Variants in DNAH9 observed in about 807,000 individuals in gnomAD.
DNAH9 encodes dynein axonemal heavy chain 9.
DNAH9 carries 345 observed loss-of-function variants against 471.6 expected under a neutral mutation model. That is an observed-to-expected ratio of 0.73 (90% CI 0.67 to 0.80). DNAH9 has a LOEUF of 0.80. Among genes scored for constraint, DNAH9 ranks in the 30% least tolerant of loss-of-function variants. DNAH9 has a pLI of 0.00. For synonymous variants in DNAH9, 2,093 were observed against 2,123.6 expected, an observed-to-expected ratio of 0.99 and a Z score of 0.40; for missense variants, 5,407 against 5,609.2, an observed-to-expected ratio of 0.96 and a Z score of 1.15.
At chr17:11,815,155 G>T (rs1027892661) in intron 45 of DNAH9, among the ~76,000 whole-genome samples, 1 of 151,578 alleles carries the variant, frequency 6.6e-6, no homozygotes, top group African/African-American at 2.4e-5. Flanking sequence ...GCAAAAAGAA[G>T]CATGAGCAAT....
Position 11,738,934 on chromosome 17 carries a change from G to C in DNAH9, c.5869G>C (p.Gly1957Arg). The C allele has an allele frequency of 6.2e-7, 1 of 1,614,078 alleles. No homozygotes were observed. Among genetic ancestry groups the C allele is most frequent in the Non-Finnish European group, 8.5e-7 (1 of 1,179,940 alleles). The change falls in exon 29 of 69, where the codon GGG (glycine) becomes CGG (arginine). Residue 1957 changes from glycine to arginine, a missense_variant. Coordinates refer to ENST00000262442, the MANE Select transcript of DNAH9 (RefSeq NM_001372.4). ...TAAGAAGCAGTGGTTCAGCTTCCTT[G>C]GGGAGGAGATCAGCCTGAATCCTTC... ...RDKKQWFSFL[G>R]EEISLNPSVG...
chr17:11,662,769 T>TTTG, intron 14 of DNAH9, among the ~76,000 whole-genome samples: 1 of 139,170 alleles, frequency 7.2e-6, no homozygotes, highest in Non-Finnish European at 1.5e-5. Flanking sequence ...TTTTTTTTTT[T>TTTG]TTTTGAGACG....
At chr17:11,833,043 G>T (rs1237115328) in intron 48 of DNAH9, among the ~76,000 whole-genome samples, 1 of 152,182 alleles carries the variant, frequency 6.6e-6, no homozygotes, top group Non-Finnish European at 1.5e-5. Context: ...TTGAGAGTTT[G>T]CATTTCTAAC....
intron 63 of DNAH9, 97 bp from the exon 64 acceptor site, chr17:11,931,917 A>T: frequency 7.2e-7 from 1 of 1,390,530 alleles, no homozygotes; most frequent in Non-Finnish European, 1.0e-6. Flanking sequence ...ATATATGGTA[A>T]TGTTTTCCAA....
intron 40 of DNAH9, 27 bp from the exon 41 acceptor site, chr17:11,784,273 G>A: frequency 1.2e-6 from 2 of 1,610,762 alleles, no homozygotes; most frequent in Non-Finnish European, 1.7e-6. Context: ...AACGGATGTT[G>A]AGCTCATGCC....
At chr17:11,818,546 C>T (rs1436248036) in intron 45 of DNAH9, among the ~76,000 whole-genome samples, 1 of 151,872 alleles carries the variant, frequency 6.6e-6, no homozygotes, top group Non-Finnish European at 1.5e-5. Context: ...AAGGTAAAAG[C>T]ATGTGTGAAC....
chr17:11,921,334 A>G lies in DNAH9; in HGVS notation c.11750-2480A>G, dbSNP rs570267636. On this transcript the variant is annotated intron_variant, in intron 61 of 68. Transcript: ENST00000262442. ...AAAAAATGTTCCCCTTCCAACGCCAATGCCATAGGGGTATGGAACTAGGGA... is the reference window on the plus strand; with the variant it reads ...AAAAAATGTTCCCCTTCCAACGCCAGTGCCATAGGGGTATGGAACTAGGGA... Among the ~76,000 whole-genome samples the G allele has an allele frequency of 1.2e-4, 19 of 152,164 alleles. No individual in the cohort carries two copies. In the East Asian group the frequency reaches 3.5e-3, roughly 28 times the overall value.
chr17:11,781,942 A>G (rs775851287), intron 39 of DNAH9, among the ~76,000 whole-genome samples: 2 of 151,792 alleles, frequency 1.3e-5, no homozygotes, highest in Non-Finnish European at 2.9e-5. Flanking sequence ...GCTGGATAGT[A>G]TCTCTTGCGA....
chr17:11,843,863 G>GTGTGTGTTTATATATATA (rs1253794533), intron 49 of DNAH9, among the ~76,000 whole-genome samples: 1 of 46,466 alleles, frequency 2.2e-5, no homozygotes, highest in African/African-American at 8.1e-5. Flanking sequence ...GTGTGTGTGT[G>GTGTGTGTTTATATATATA]TATATATATA....
intron 24 of DNAH9, among the ~76,000 whole-genome samples, chr17:11,703,375 G>A (rs916354276): frequency 2.6e-5 from 4 of 152,138 alleles, no homozygotes; most frequent in African/African-American, 9.7e-5. Flanking sequence ...ATTTCACAAA[G>A]GGAGTAAATC....
chr17:11,752,745 T>G, intron 32 of DNAH9, 88 bp from the exon 33 acceptor site: 2 of 1,060,832 alleles, frequency 1.9e-6, no homozygotes, highest in Non-Finnish European at 2.7e-6. Context: ...CCCCCTTCTG[T>G]GTGTTGTAGC....
intron 67 of DNAH9, 23 bp downstream of exon 67, chr17:11,942,508 T>C (rs774029652): frequency 2.3e-5 from 37 of 1,604,482 alleles, no homozygotes; most frequent in East Asian, 2.0e-4. Flanking sequence ...TTGTAAGGCA[T>C]GGAGGGGACA....
chr17:11,888,071 C>T (rs1364152797), intron 57 of DNAH9, among the ~76,000 whole-genome samples: 1 of 151,854 alleles, frequency 6.6e-6, no homozygotes. Flanking sequence ...CAAGCTCTGC[C>T]TCCCGGGTTG....
Position 11,891,638 on chromosome 17 carries a change from C to T in DNAH9, c.11113-139C>T, listed in dbSNP as rs55944899. 679,464 of 969,958 alleles carry T rather than the reference C, an allele frequency of 0.7. 241,143 individuals carry two copies. The highest frequency in any genetic ancestry group is 0.74 in the Admixed American group (29,472 of 39,736). 60.1% of individuals were successfully genotyped at this position (969,958 alleles called of 1,614,324 possible). A position where few individuals can be genotyped will look rare whatever the true frequency, so the allele number is the denominator to read the frequency against. ...CCTTGGCCTCCCAAAGCACTGTGAT[C>T]ACAGGCATGAGCCACCGTGCCTGGC... On this transcript the variant is annotated intron_variant, in intron 57 of 68. Coordinates refer to ENST00000262442, the MANE Select transcript of DNAH9 (RefSeq NM_001372.4).
intron 49 of DNAH9, among the ~76,000 whole-genome samples, chr17:11,838,333 T>A (rs188013153): frequency 2.2e-4 from 34 of 152,312 alleles, no homozygotes; most frequent in African/African-American, 7.7e-4. Flanking sequence ...TGTGTTTTGT[T>A]CCCAGCCTTG....
rs189005470 is a variant in DNAH9, at chr17:11,786,381, T to C, written c.8061+1842T>C. Among the ~76,000 whole-genome samples the C allele has an allele frequency of 9.1e-4, 138 of 152,244 alleles. 1 individual carries two copies. The highest frequency in any genetic ancestry group is 4.6e-3 in the South Asian group (22 of 4,830). On this transcript the variant is annotated intron_variant, in intron 41 of 68. Transcript: ENST00000262442. ...AATTCTCGTGGAATAGCAAGGAGTT[T>C]AGCCCAGTGGGAACGACGAGTGATA...
At chr17:11,866,232 A>C (rs1208600394) in intron 50 of DNAH9, among the ~76,000 whole-genome samples, 1 of 151,932 alleles carries the variant, frequency 6.6e-6, no homozygotes, top group African/African-American at 2.4e-5. Flanking sequence ...TTTTCCTTCT[A>C]ACAGACAGGA....
At chr17:11,946,199 CAAAA>C (rs34028612) in intron 67 of DNAH9, among the ~76,000 whole-genome samples, 2 of 47,330 alleles carry the variant, frequency 4.2e-5, no homozygotes, top group South Asian at 8.7e-4. Context: ...GAGTCCATCT[CAAAA>C]AAAAAAAAAA....
At chr17:11,600,280 T>G (rs1427542208) in intron 1 of DNAH9, among the ~76,000 whole-genome samples, 2 of 152,198 alleles carry the variant, frequency 1.3e-5, no homozygotes, top group African/African-American at 4.8e-5. Flanking sequence ...AGGCCTGTGA[T>G]CTGAGAAGCA....
Sources: gnomAD v4.1 joint callset for allele counts (sites outside exome capture counted in the v4.1 genomes callset) on GRCh38, gnomAD v4.1.1 for gene constraint, MANE v1.5 for transcripts, NCBI Gene and HGNC (gene_info 2026-07-23, HGNC 2026-07-21) for gene names.